The following RBFOX1 variants were observed in gnomAD, a reference collection of about 807,000 sequenced individuals.
RBFOX1 encodes RNA binding fox-1 homolog 1, also known as RNA binding protein fox-1 homolog 1.
RBFOX1 carries 8 observed loss-of-function variants against 57.7 expected under a neutral mutation model. The observed-to-expected ratio is 0.14, with a 90% confidence interval of 0.08 to 0.25. RBFOX1 has a LOEUF of 0.25. Among genes scored for constraint, RBFOX1 ranks in the 10% least tolerant of loss-of-function variants. RBFOX1 has a pLI of 1.00. For missense variants in RBFOX1, 611 were observed against 548.5 expected, an observed-to-expected ratio of 1.11 and a Z score of -1.14; for synonymous variants, 326 against 222.4, an observed-to-expected ratio of 1.47 and a Z score of -4.15.
chr16:5,983,068 G>A (rs1401974262), intron 4 of RBFOX1, among the ~76,000 whole-genome samples: 1 of 152,166 alleles, frequency 6.6e-6, no homozygotes, highest in East Asian at 1.9e-4. Context: ...CTGCAGCTCT[G>A]ACTCAAGAGT....
chr16:6,476,773 C>T (rs2095279649), intron 2 of RBFOX1, among the ~76,000 whole-genome samples: 2 of 152,182 alleles, frequency 1.3e-5, no homozygotes, highest in African/African-American at 4.8e-5. Flanking sequence ...TACTTCTCTG[C>T]AGCACCTGAT....
At chr16:7,395,509 G>A (rs751216714) in intron 4 of RBFOX1, among the ~76,000 whole-genome samples, 8 of 152,152 alleles carry the variant, frequency 5.3e-5, no homozygotes, top group South Asian at 4.1e-4. Flanking sequence ...TTTGTTGGAC[G>A]GAATACTAAA....
At chr16:7,127,028 A>T (rs1036225330) in intron 4 of RBFOX1, among the ~76,000 whole-genome samples, 8 of 146,972 alleles carry the variant, frequency 5.4e-5, no homozygotes, top group Non-Finnish European at 1.2e-4. Flanking sequence ...AAAAAAAAAA[A>T]ATTATTGCAG....
In RBFOX1 at chr16:7,411,842, G is replaced by T. The variant is rs184395018; in HGVS notation, c.28-106305G>T. Among the ~76,000 whole-genome samples, 526 of 148,672 alleles carry T rather than the reference G, an allele frequency of 3.5e-3. 6 individuals carry two copies. The highest frequency in any genetic ancestry group is 0.012 in the African/African-American group (492 of 40,038). On this transcript the variant is annotated intron_variant, in intron 4 of 15. Coordinates refer to ENST00000550418, the MANE Select transcript of RBFOX1 (RefSeq NM_018723.4). The stretch of plus-strand genomic sequence containing the variant: ...CACTTGAACCCAGGAAGCAGTGGTT[G>T]TGGTGAGCCAAGATCATGCCATTGC...
intron 4 of RBFOX1, among the ~76,000 whole-genome samples, chr16:7,238,621 C>T (rs896746023): frequency 6.6e-6 from 1 of 152,118 alleles, no homozygotes; most frequent in Non-Finnish European, 1.5e-5. Flanking sequence ...AATGAATATG[C>T]ATTTCTTTCT....
intron 3 of RBFOX1, among the ~76,000 whole-genome samples, chr16:6,898,670 G>T (rs1294162434): frequency 1.3e-5 from 2 of 152,090 alleles, no homozygotes; most frequent in South Asian, 2.1e-4. Context: ...CTGAGTTTCT[G>T]TGTGTGTACA....
chr16:5,708,723 T>G (rs1483245200), intron 3 of RBFOX1, among the ~76,000 whole-genome samples: 5 of 152,116 alleles, frequency 3.3e-5, no homozygotes, highest in Admixed American at 6.5e-5. Flanking sequence ...GGCACCGGCT[T>G]GGGCAATAAA....
intron 10 of RBFOX1, among the ~76,000 whole-genome samples, chr16:7,618,849 C>A (rs936668332): frequency 6.6e-6 from 1 of 152,122 alleles, no homozygotes; most frequent in African/African-American, 2.4e-5. Context: ...TAATGCATTT[C>A]TAGAACTTCC....
chr16:7,325,475 C>T (rs933222131), intron 4 of RBFOX1, among the ~76,000 whole-genome samples: 1 of 152,180 alleles, frequency 6.6e-6, no homozygotes, highest in Non-Finnish European at 1.5e-5. Context: ...TGTAATGCCA[C>T]AAGAATAACA....
chr16:7,193,794 T>G (rs961051632), intron 4 of RBFOX1, among the ~76,000 whole-genome samples: 1 of 152,056 alleles, frequency 6.6e-6, no homozygotes. Flanking sequence ...GCACAACAGG[T>G]CCTAGAAGAT....
intron 4 of RBFOX1, among the ~76,000 whole-genome samples, chr16:7,314,187 C>G (rs2096386051): frequency 1.3e-5 from 2 of 152,288 alleles, no homozygotes; most frequent in South Asian, 2.1e-4. Flanking sequence ...TTCTCCGCAA[C>G]CAATTCCAAT....
intron 10 of RBFOX1, among the ~76,000 whole-genome samples, chr16:7,617,799 T>C (rs1017409286): frequency 2.6e-5 from 4 of 152,124 alleles, no homozygotes; most frequent in African/African-American, 9.7e-5. Context: ...AATGCGGGTA[T>C]AGTACACAGT....
intron 1 of RBFOX1, among the ~76,000 whole-genome samples, chr16:5,317,744 C>T (rs545066380): frequency 2.6e-5 from 4 of 152,182 alleles, no homozygotes; most frequent in African/African-American, 4.8e-5. Flanking sequence ...CATTGCTTTG[C>T]GTTTCTTCTT....
At chr16:5,465,598 C>T (rs80305724) in intron 1 of RBFOX1, among the ~76,000 whole-genome samples, 2,177 of 152,308 alleles carry the variant, frequency 0.014, 67 homozygotes, top group African/African-American at 0.05. Flanking sequence ...TCCCCCAGGA[C>T]TCCTCTTCAT....
At chr16:5,828,432 G>C (rs1247885244) in intron 3 of RBFOX1, among the ~76,000 whole-genome samples, 2 of 152,190 alleles carry the variant, frequency 1.3e-5, no homozygotes, top group Non-Finnish European at 2.9e-5. Flanking sequence ...CAACCACCGG[G>C]CTCACGCCTG....
chr16:6,778,968 T>A (rs1242057255), intron 3 of RBFOX1, among the ~76,000 whole-genome samples: 1 of 152,082 alleles, frequency 6.6e-6, no homozygotes, highest in African/African-American at 2.4e-5. Context: ...TCAAGGTAAT[T>A]GAAGTAGCCT....
intron 1 of RBFOX1, among the ~76,000 whole-genome samples, chr16:6,232,324 G>A (rs1035324067): frequency 6.6e-6 from 1 of 152,160 alleles, no homozygotes; most frequent in Non-Finnish European, 1.5e-5. Flanking sequence ...TATGGAATTA[G>A]GGCTGGAAAA....
At position 6,264,967 on chromosome 16, in the gene RBFOX1, A is replaced by T. The variant is rs571499702; in HGVS notation, c.-126-52028A>T. Among the ~76,000 whole-genome samples, 3 of 152,306 alleles carry T rather than the reference A, an allele frequency of 2.0e-5. No homozygotes were observed. The South Asian group carries it at 6.2e-4, about 32-fold the overall frequency. On this transcript the variant is annotated intron_variant, in intron 1 of 15. Coordinates refer to ENST00000550418, the MANE Select transcript of RBFOX1 (RefSeq NM_018723.4). ...TCTGTGTGTGGGAACCGACTCTGAT[A>T]AGAGCAAACGCTTGACACCCAACCT... is the stretch of plus-strand genomic sequence containing the variant.
chr16:7,273,100 T>C (rs1603468178), intron 4 of RBFOX1, among the ~76,000 whole-genome samples: 1 of 107,258 alleles, frequency 9.3e-6, no homozygotes, highest in Non-Finnish European at 1.8e-5. Context: ...CCTCCCTCCC[T>C]TTCCTCCTTC....
Sources: allele counts gnomAD v4.1 joint callset (sites outside exome capture counted in the v4.1 genomes callset), GRCh38; gene constraint gnomAD v4.1.1; transcripts MANE v1.5; gene names NCBI Gene and HGNC (gene_info 2026-07-23, HGNC 2026-07-21).